Variants in EPHB2 observed in about 807,000 individuals in gnomAD.
EPHB2 encodes EPH receptor B2, also known as ephrin type-B receptor 2.
EPHB2 carries 18 observed loss-of-function variants against 96.4 expected under a neutral mutation model. The observed-to-expected ratio is 0.19, with a 90% CI of 0.13 to 0.28. The LOEUF (loss-of-function observed/expected upper bound fraction) is 0.28. Ranked by LOEUF, EPHB2 falls within the 10% of genes least tolerant of loss-of-function variation. EPHB2 has a pLI of 1.00. For missense variants in EPHB2, 989 were observed against 1,355.4 expected (o/e 0.73, Z 4.25); for synonymous variants, 506 against 534.1 (o/e 0.95, Z 0.72).
At position 22,814,125 on chromosome 1, in the gene EPHB2, G is replaced by A. The variant is rs1443358542; in HGVS notation, c.811+29049G>A. Among the ~76,000 whole-genome samples, 12 of 152,068 alleles carry A rather than the reference G, an allele frequency of 7.9e-5. No homozygotes were observed. The South Asian group carries it at 8.3e-4, about 11-fold the overall frequency. ...GCAGAGGTTGCAGTGAGCCGAGATCGCGCCATTGCACTCCAGCCTGGGCAA... is the reference window on the plus strand; with the variant it reads ...GCAGAGGTTGCAGTGAGCCGAGATCACGCCATTGCACTCCAGCCTGGGCAA... On this transcript the variant is annotated intron_variant, in intron 3 of 15. Coordinates refer to ENST00000374630, the MANE Select transcript of EPHB2 (RefSeq NM_017449.5).
chr1:22,736,654 A>G (rs1012136432), intron 1 of EPHB2, among the ~76,000 whole-genome samples: 27 of 152,316 alleles, frequency 1.8e-4, no homozygotes, highest in African/African-American at 6.5e-4. Context: ...CAGCCTCCGC[A>G]GCGCGGCATG....
chr1:22,752,491 T>C (rs1034480647), intron 1 of EPHB2, among the ~76,000 whole-genome samples: 6 of 149,220 alleles, frequency 4.0e-5, no homozygotes, highest in African/African-American at 9.8e-5. Flanking sequence ...AAAGAAAGAA[T>C]AATAATAAAA....
rs533320695 is a variant in EPHB2, at chr1:22,811,687, G to A, written c.811+26611G>A. On this transcript the variant is annotated intron_variant, in intron 3 of 15. Transcript: ENST00000374630. Reference sequence around the variant, plus strand: ...ACCGGGAAAGAAGTGTAGTTCTTTCGGACCATGTACAGGAGGCAGAGGGGA... The same window carrying A: ...ACCGGGAAAGAAGTGTAGTTCTTTCAGACCATGTACAGGAGGCAGAGGGGA... Among the ~76,000 whole-genome samples, 743 of 152,258 alleles carry A rather than the reference G, an allele frequency of 4.9e-3. 10 individuals are homozygous for A. The highest frequency in any genetic ancestry group is 0.017 in the African/African-American group (689 of 41,554).
At chr1:22,725,802 G>A (rs1013108477) in intron 1 of EPHB2, among the ~76,000 whole-genome samples, 1 of 152,224 alleles carries the variant, frequency 6.6e-6, no homozygotes, top group African/African-American at 2.4e-5. Context: ...GGTGTCAGCT[G>A]CCCCGAGCTT....
intron 3 of EPHB2, among the ~76,000 whole-genome samples, chr1:22,788,772 T>G (rs1263399196): frequency 1.2e-3 from 141 of 116,928 alleles, no homozygotes; most frequent in African/African-American, 4.2e-3. Context: ...TTTTTTTTTT[T>G]GTGACAGGGT....
intron 3 of EPHB2, among the ~76,000 whole-genome samples, chr1:22,850,358 G>A (rs1433858548): frequency 1.3e-5 from 2 of 152,184 alleles, no homozygotes; most frequent in African/African-American, 2.4e-5. Context: ...GCCTGAACAG[G>A]GGACCCGCAC....
chr1:22,719,622 T>G (rs1436715345), intron 1 of EPHB2: 1 of 152,296 alleles, frequency 6.6e-6, no homozygotes, highest in Non-Finnish European at 1.5e-5. Context: ...GGGCTTGAGT[T>G]TGCCTCCTGG....
At chr1:22,742,992 A>G (rs1643923085) in intron 1 of EPHB2, among the ~76,000 whole-genome samples, 1 of 151,692 alleles carries the variant, frequency 6.6e-6, no homozygotes, top group Non-Finnish European at 1.5e-5. Context: ...CCTTGGCTCA[A>G]GCGATCCTCC....
chr1:22,918,645 T>C lies in EPHB2; in HGVS notation c.*5075T>C, dbSNP rs1640327100. On this transcript the variant is annotated 3_prime_UTR_variant, in exon 16 of 16. Transcript: ENST00000374630. The surrounding 1 kb of genome is among the most constrained non-coding windows in gnomAD (Gnocchi z 4.2). ...GGCCTTGACCCAGCCTTCTGCAAAATGGCTTCTGCCATCAAACTTAAGGTG... is the reference window on the plus strand; with the variant it reads ...GGCCTTGACCCAGCCTTCTGCAAAACGGCTTCTGCCATCAAACTTAAGGTG... 6.6e-6 allele frequency: 1 copy of C among 152,222 alleles called. No homozygotes were observed. The allele number at this position is 152,222 out of a possible 1,614,324, so 9.4% of individuals were successfully genotyped here.
rs144370868 is a variant in EPHB2, at chr1:22,826,710, G to A, written c.812-36327G>A. Among the ~76,000 whole-genome samples the A allele has an allele frequency of 3.0e-3, 454 of 152,218 alleles. 4 individuals are homozygous for A. The highest frequency in any genetic ancestry group is 5.4e-3 in the Non-Finnish European group (367 of 68,014). On this transcript the variant is annotated intron_variant, in intron 3 of 15. Transcript: ENST00000374630. ...AGCTGGTCTGGCTCACTGTGTCTCC[G>A]CAGCCTGACACAGGTCCGGACCCAG...
At chr1:22,900,519 G>A (rs1426890393) in intron 9 of EPHB2, among the ~76,000 whole-genome samples, 1 of 152,120 alleles carries the variant, frequency 6.6e-6, no homozygotes, top group East Asian at 1.9e-4. Context: ...GATGGAGCAG[G>A]GGTATGAACT....
At chr1:22,912,724 G>A in intron 15 of EPHB2, 125 bp downstream of exon 15, 2 of 1,437,472 alleles carry the variant, frequency 1.4e-6, no homozygotes, top group South Asian at 2.4e-5. Flanking sequence ...GGGACCAAGG[G>A]GCAAGATGGC....
At chr1:22,821,928 A>G (rs1224444835) in intron 3 of EPHB2, among the ~76,000 whole-genome samples, 1 of 152,212 alleles carries the variant, frequency 6.6e-6, no homozygotes, top group East Asian at 1.9e-4. Flanking sequence ...ATTCCTCAGC[A>G]TATGAGGCTC....
intron 1 of EPHB2, among the ~76,000 whole-genome samples, chr1:22,721,445 G>A (rs1643463574): frequency 6.6e-6 from 1 of 152,142 alleles, no homozygotes; most frequent in Non-Finnish European, 1.5e-5. Context: ...TTGTGAGCTG[G>A]CCTGCGTTGT....
chr1:22,715,313 G>T (rs904949503), intron 1 of EPHB2, among the ~76,000 whole-genome samples: 2 of 152,166 alleles, frequency 1.3e-5, no homozygotes, highest in Admixed American at 1.3e-4. Context: ...GAATAGACCA[G>T]TTCAGAGGGA....
intron 3 of EPHB2, among the ~76,000 whole-genome samples, chr1:22,794,288 C>T (rs759538765): frequency 3.3e-5 from 5 of 152,054 alleles, no homozygotes; most frequent in Non-Finnish European, 5.9e-5. Flanking sequence ...CGGGTCTGGG[C>T]CTTGAATGAC....
At chr1:22,910,636 C>A in intron 14 of EPHB2, 61 bp downstream of exon 14, 1 of 1,586,864 alleles carries the variant, frequency 6.3e-7, no homozygotes, top group Non-Finnish European at 8.6e-7. Context: ...TCTCCCATCC[C>A]TTCTGCCCCC....
chr1:22,742,924 C>T (rs1308179201), intron 1 of EPHB2, among the ~76,000 whole-genome samples: 2 of 151,480 alleles, frequency 1.3e-5, no homozygotes, highest in Non-Finnish European at 2.9e-5. Context: ...GGGTCTCATA[C>T]TCTGTCACTC....
chr1:22,873,567 G>T (rs571169083), intron 5 of EPHB2, among the ~76,000 whole-genome samples: 1 of 150,790 alleles, frequency 6.6e-6, no homozygotes, highest in South Asian at 2.1e-4. Flanking sequence ...ATACAGGGGG[G>T]TGATTAATAC....
Sources: gnomAD v4.1 joint callset for allele counts (sites outside exome capture counted in the v4.1 genomes callset) on GRCh38, gnomAD v4.1.1 for gene constraint, Gnocchi (gnomAD v3.1) non-coding constraint, MANE v1.5 for transcripts, NCBI Gene and HGNC (gene_info 2026-07-23, HGNC 2026-07-21) for gene names.